NXPH1: variants seen among roughly 807,000 people sequenced by gnomAD.
NXPH1 encodes the protein neurexophilin-1.
In NXPH1, 5 loss-of-function variants were observed where a neutral mutation model predicts 23.7. The observed-to-expected ratio is 0.21, with a 90% CI of 0.11 to 0.44. The LOEUF (loss-of-function observed/expected upper bound fraction) is 0.44. NXPH1 is among the 20% of genes least tolerant of loss of function. The probability of loss-of-function intolerance (pLI) is 0.99; values close to 1 mark genes in which losing one functional copy is unlikely to be tolerated. For synonymous variants in NXPH1, 144 were observed against 122.2 expected (o/e 1.18, Z -1.18); for missense variants, 324 against 321.6 (o/e 1.01, Z -0.06).
chr7:8,456,176 G>C (rs1476490603), intron 2 of NXPH1, among the ~76,000 whole-genome samples: 6 of 152,120 alleles, frequency 3.9e-5, no homozygotes, highest in African/African-American at 1.4e-4. Context: ...TAAAGCCACA[G>C]GATTTTACTG....
intron 2 of NXPH1, among the ~76,000 whole-genome samples, chr7:8,716,571 T>C (rs1398161529): frequency 2.0e-5 from 3 of 152,218 alleles, no homozygotes; most frequent in Non-Finnish European, 4.4e-5. Flanking sequence ...AGGGCAAATA[T>C]AAAAGATAAG....
intron 2 of NXPH1, among the ~76,000 whole-genome samples, chr7:8,513,980 G>T (rs1817652220): frequency 1.3e-5 from 2 of 152,060 alleles, no homozygotes; most frequent in African/African-American, 2.4e-5. Flanking sequence ...TTGGCTTGTA[G>T]AGGACCATCT....
At chr7:8,451,399 C>T (rs902438227) in intron 2 of NXPH1, among the ~76,000 whole-genome samples, 18 of 152,158 alleles carry the variant, frequency 1.2e-4, no homozygotes, top group Non-Finnish European at 2.2e-4. Flanking sequence ...GCACAGATGG[C>T]TTTATCAGCA....
chr7:8,702,392 ATATT>A (rs1172950203), intron 2 of NXPH1, among the ~76,000 whole-genome samples: 1 of 152,034 alleles, frequency 6.6e-6, no homozygotes, highest in Non-Finnish European at 1.5e-5. Flanking sequence ...TTCAAACCCG[ATATT>A]TATTTGAGGA....
At chr7:8,747,426 G>C (rs1780489521) in intron 2 of NXPH1, among the ~76,000 whole-genome samples, 1 of 152,082 alleles carries the variant, frequency 6.6e-6, no homozygotes, top group Non-Finnish European at 1.5e-5. Flanking sequence ...TTCCCCCTAT[G>C]CTACTGGTAA....
At chr7:8,552,871 T>G (rs1294991239) in intron 2 of NXPH1, among the ~76,000 whole-genome samples, 3 of 151,628 alleles carry the variant, frequency 2.0e-5, no homozygotes, top group Non-Finnish European at 3.0e-5. Context: ...CAAATCAGAT[T>G]GGAAGAAATT....
At chr7:8,481,705 G>A (rs1036973180) in intron 2 of NXPH1, among the ~76,000 whole-genome samples, 2 of 151,860 alleles carry the variant, frequency 1.3e-5, no homozygotes, top group Admixed American at 1.3e-4. Flanking sequence ...AGATTCAGTG[G>A]GTGCATATGC....
intron 2 of NXPH1, among the ~76,000 whole-genome samples, chr7:8,725,113 C>A (rs894063878): frequency 1.2e-4 from 18 of 152,166 alleles, no homozygotes; most frequent in Admixed American, 2.6e-4. Flanking sequence ...TAAAAGAATT[C>A]TCAAGGGAAT....
At position 8,442,256 on chromosome 7, in the gene NXPH1, C is replaced by A. The variant is rs190273282; in HGVS notation, c.54+6489C>A. Among the ~76,000 whole-genome samples the A allele has an allele frequency of 2.0e-5, 3 of 152,312 alleles. No homozygotes were observed. Among genetic ancestry groups the A allele is most frequent in the South Asian group, 2.1e-4 (1 of 4,824 alleles). On this transcript the variant is annotated intron_variant, in intron 2 of 2. Transcript: ENST00000405863. This position sits in a 1 kb window ranked among gnomAD's most constrained non-coding sequence, Gnocchi z 4.6. ...CCTCATCTGCATGAGAATGGAGAACCGGGAGGCTTTTCTTGTACTGTTTCT... is the reference window on the plus strand; with the variant it reads ...CCTCATCTGCATGAGAATGGAGAACAGGGAGGCTTTTCTTGTACTGTTTCT...
chr7:8,719,121 C>T (rs1779924339), intron 2 of NXPH1, among the ~76,000 whole-genome samples: 1 of 152,082 alleles, frequency 6.6e-6, no homozygotes, highest in African/African-American at 2.4e-5. Flanking sequence ...CATTTTGGTC[C>T]CCTTTATAGT....
At chr7:8,545,270 A>C (rs571593522) in intron 2 of NXPH1, among the ~76,000 whole-genome samples, 168 of 151,694 alleles carry the variant, frequency 1.1e-3, no homozygotes, top group Admixed American at 3.0e-3. Flanking sequence ...TACTCTTGGG[A>C]TCATTTTTAT....
chr7:8,739,736 C>A (rs563106551), intron 2 of NXPH1, among the ~76,000 whole-genome samples: 2 of 152,290 alleles, frequency 1.3e-5, no homozygotes, highest in South Asian at 4.1e-4. Flanking sequence ...CACAAACACA[C>A]TATAAAGCTG....
At chr7:8,746,331 A>G (rs1780469703) in intron 2 of NXPH1, among the ~76,000 whole-genome samples, 1 of 152,212 alleles carries the variant, frequency 6.6e-6, no homozygotes, top group Non-Finnish European at 1.5e-5. Flanking sequence ...GACAGTGTTA[A>G]TGATGATTAC....
rs541722780 is a variant in NXPH1 at position 8,653,958 on chromosome 7, G to A, written c.55-97050G>A. Among the ~76,000 whole-genome samples, 20 of 152,278 alleles carry A rather than the reference G, an allele frequency of 1.3e-4. No individual in the cohort carries two copies. In the South Asian group the frequency reaches 3.7e-3, roughly 28 times the overall value. ...TAAAAGTGGCACTATTAATGTAAGA[G>A]TTAACTTTGCTTGGATTTCATGTGT... is the stretch of plus-strand genomic sequence containing the variant. On this transcript the variant is annotated intron_variant, in intron 2 of 2. Coordinates refer to ENST00000405863, the MANE Select transcript of NXPH1 (RefSeq NM_152745.3).
At chr7:8,518,780 C>A (rs1162341190) in intron 2 of NXPH1, among the ~76,000 whole-genome samples, 1 of 152,158 alleles carries the variant, frequency 6.6e-6, no homozygotes, top group Non-Finnish European at 1.5e-5. Flanking sequence ...ACCACTGCAC[C>A]CAAGTAGCTC....
intron 2 of NXPH1, among the ~76,000 whole-genome samples, chr7:8,646,662 A>G (rs1820403957): frequency 6.6e-6 from 1 of 152,048 alleles, no homozygotes; most frequent in Non-Finnish European, 1.5e-5. Context: ...TGCCAATTTT[A>G]TAATATGTTT....
chr7:8,473,837 A>G (rs138782118), intron 2 of NXPH1, among the ~76,000 whole-genome samples: 14 of 152,104 alleles, frequency 9.2e-5, no homozygotes, highest in African/African-American at 3.1e-4. Flanking sequence ...ACTAGTCTAG[A>G]TGAATCTACC....
chr7:8,543,908 G>C (rs1430773866), intron 2 of NXPH1, among the ~76,000 whole-genome samples: 4 of 151,480 alleles, frequency 2.6e-5, no homozygotes, highest in African/African-American at 9.7e-5. Flanking sequence ...GAATTTTAGA[G>C]CTGGAAGGGA....
In NXPH1 at chr7:8,694,117, T is replaced by C. The variant is rs138413431; in HGVS notation, c.55-56891T>C. Among the ~76,000 whole-genome samples the C allele has an allele frequency of 5.3e-3, 802 of 152,334 alleles. 5 individuals carry two copies. The highest frequency in any genetic ancestry group is 0.019 in the African/African-American group (771 of 41,566). On this transcript the variant is annotated intron_variant, in intron 2 of 2. Transcript: ENST00000405863. ...AAGCCCTGATTGATTAGGACACTCA[T>C]GATGATCTGTCACTCCTGGAACATG...
Sources: allele counts gnomAD v4.1 joint callset (sites outside exome capture counted in the v4.1 genomes callset), GRCh38; gene constraint gnomAD v4.1.1; non-coding constraint Gnocchi (gnomAD v3.1); transcripts MANE v1.5; gene names NCBI Gene and HGNC (gene_info 2026-07-23, HGNC 2026-07-21).